GLIPR1: variants seen among roughly 807,000 people sequenced by gnomAD.
GLIPR1 encodes GLI pathogenesis related 1.
GLIPR1 carries 38 observed loss-of-function variants against 30.3 expected under a neutral mutation model. The observed-to-expected ratio is 1.26, with a 90% CI of 0.97 to 1.65. The LOEUF (loss-of-function observed/expected upper bound fraction) is 1.65. Among genes scored for constraint, GLIPR1 ranks in the 40% most tolerant of loss-of-function variants. The pLI is 0.00. For synonymous variants in GLIPR1, 122 were observed against 110.6 expected, an observed-to-expected ratio of 1.10 and a Z score of -0.65; for missense variants, 285 against 326.5, an observed-to-expected ratio of 0.87 and a Z score of 0.98.
chr12:75,499,803 G>C lies in GLIPR1; in HGVS notation c.*825G>C, dbSNP rs752227906. Reference sequence around the variant, plus strand: ...AGATAGTTCTAGTCAAGGAGTTTTGGGTATGTTACTTTTTTTTCTTCTTTT... The same window carrying C: ...AGATAGTTCTAGTCAAGGAGTTTTGCGTATGTTACTTTTTTTTCTTCTTTT... On this transcript the variant is annotated 3_prime_UTR_variant, in exon 6 of 6. Transcript: ENST00000266659. The C allele has an allele frequency of 5.7e-6, 9 of 1,592,490 alleles. No individual in the cohort carries two copies. The Admixed American group carries it at 1.4e-4, about 25-fold the overall frequency.
Position 75,489,160 on chromosome 12 carries a change from A to G in GLIPR1, c.421-1246A>G, listed in dbSNP as rs143651958. On this transcript the variant is annotated intron_variant, in intron 2 of 5. Transcript: ENST00000266659. ...GGAGCCCATTGCAAAATGATGTGGA[A>G]TCTTTTGTTCAGAAAGCAAAAGAAA... is the stretch of plus-strand genomic sequence containing the variant. Among the ~76,000 whole-genome samples the G allele has an allele frequency of 1.9e-3, 283 of 152,274 alleles. 4 individuals carry two copies. The highest frequency in any genetic ancestry group is 0.016 in the South Asian group (75 of 4,820).
At chr12:75,486,684 A>G (rs1473748755) in intron 2 of GLIPR1, among the ~76,000 whole-genome samples, 1 of 152,234 alleles carries the variant, frequency 6.6e-6, no homozygotes, top group Non-Finnish European at 1.5e-5. Flanking sequence ...ACAAATGAAT[A>G]CAACAAATGC....
chr12:75,501,554 C>A lies in GLIPR1; in HGVS notation c.*2576C>A. On this transcript the variant is annotated 3_prime_UTR_variant, in exon 6 of 6. Coordinates refer to ENST00000266659, the MANE Select transcript of GLIPR1 (RefSeq NM_006851.3). The stretch of plus-strand genomic sequence containing the variant: ...GCACTGAAATAGGCATTAGCTGCCT[C>A]TAAATTATAAATTATCTCAGCCATC... 1 of 583,384 alleles carries A rather than the reference C, an allele frequency of 1.7e-6. No homozygotes were observed. The allele number at this position is 583,384 out of a possible 1,614,324, so 36.1% of individuals were successfully genotyped here. A position where few individuals can be genotyped will look rare whatever the true frequency, so the allele number is the denominator to read the frequency against.
At chr12:75,490,226 CA>C (rs1198964127) in intron 2 of GLIPR1, among the ~76,000 whole-genome samples, 179 bp from the exon 3 acceptor site, 31 of 150,216 alleles carry the variant, frequency 2.1e-4, no homozygotes, top group Non-Finnish European at 4.5e-4. Flanking sequence ...CACACACACA[CA>C]CACACACCCC....
intron 2 of GLIPR1, among the ~76,000 whole-genome samples, chr12:75,487,496 G>A (rs2046298954): frequency 1.3e-5 from 2 of 152,332 alleles, no homozygotes; most frequent in South Asian, 4.1e-4. Flanking sequence ...CCCCGCAGGG[G>A]GTTCCTGGGG....
At position 75,499,901 on chromosome 12, in the gene GLIPR1, T is replaced by G; in HGVS notation, c.*923T>G. ...GCTCCCAGTTTCTTATTCTTTGCTT[T>G]CTTAACCTTTTCCTTGATGCTGGCC... is the stretch of plus-strand genomic sequence containing the variant. On this transcript the variant is annotated 3_prime_UTR_variant, in exon 6 of 6. Coordinates refer to ENST00000266659, the MANE Select transcript of GLIPR1 (RefSeq NM_006851.3). 6.2e-7 allele frequency: 1 copy of G among 1,610,164 alleles called. No homozygotes were observed. The highest frequency in any genetic ancestry group is 8.5e-7 in the Non-Finnish European group (1 of 1,178,346).
At chr12:75,481,678 GC>G (rs2046271553) in intron 1 of GLIPR1, among the ~76,000 whole-genome samples, 155 bp from the exon 2 acceptor site, 1 of 152,104 alleles carries the variant, frequency 6.6e-6, no homozygotes, top group South Asian at 2.1e-4. Flanking sequence ...TTTCCTACCA[GC>G]CCTACTCAGT....
At position 75,480,870 on chromosome 12, in the gene GLIPR1, C is replaced by A. The variant is rs2046266490; in HGVS notation, c.-11C>A. On this transcript the variant is annotated 5_prime_UTR_variant, in exon 1 of 6. Coordinates refer to ENST00000266659, the MANE Select transcript of GLIPR1 (RefSeq NM_006851.3). Reference sequence around the variant, plus strand: ...GACTGCAGCCTCCCAAGGCTCCATGCCAGACAAAGCATGCGTGTCACACTT... The same window carrying A: ...GACTGCAGCCTCCCAAGGCTCCATGACAGACAAAGCATGCGTGTCACACTT... 6.2e-7 allele frequency: 1 copy of A among 1,601,720 alleles called. No homozygotes were observed. The highest frequency in any genetic ancestry group is 8.5e-7 in the Non-Finnish European group (1 of 1,171,780).
intron 2 of GLIPR1, among the ~76,000 whole-genome samples, chr12:75,482,513 T>C (rs1429869605): frequency 2.0e-5 from 3 of 152,236 alleles, no homozygotes; most frequent in East Asian, 3.9e-4. Context: ...CAACCTCTCA[T>C]TCTCTCAAAC....
chr12:75,487,664 A>G (rs1324164297), intron 2 of GLIPR1: 9 of 429,746 alleles, frequency 2.1e-5, no homozygotes, highest in African/African-American at 1.8e-4. Context: ...CACTTCTACC[A>G]CACCTTTAAA....
rs1271567872 is a variant in GLIPR1, at chr12:75,502,769, A to G, written c.*3791A>G. 3 of 152,168 alleles carry G rather than the reference A, an allele frequency of 2.0e-5. No homozygotes were observed. Among genetic ancestry groups the G allele is most frequent in the East Asian group, 3.9e-4 (2 of 5,186 alleles). The allele number at this position is 152,168 out of a possible 1,614,324, so 9.4% of individuals were successfully genotyped here. A position where few individuals can be genotyped will look rare whatever the true frequency, so the allele number is the denominator to read the frequency against. ...GAGACATCACTGTTTCAAGAAGCTT[A>G]CACAGCTACAGAAGAAAGATAAGTC... On this transcript the variant is annotated 3_prime_UTR_variant, in exon 6 of 6. Coordinates refer to ENST00000266659, the MANE Select transcript of GLIPR1 (RefSeq NM_006851.3).
At position 75,490,564 on chromosome 12, in the gene GLIPR1, CCGCA is replaced by C. The variant is rs370305048; in HGVS notation, c.533+47_533+50del. 5.7e-4 allele frequency: 111 copies of C among 194,126 alleles called. 18 individuals are homozygous for C. The African/African-American group carries it at 0.01, about 18-fold the overall frequency. The allele number at this position is 194,126 out of a possible 1,614,324, so 12.0% of individuals were successfully genotyped here. On this transcript the variant is annotated intron_variant, in intron 3 of 5. Transcript: ENST00000266659. ...GTTTATAGGAAACGCCCCCCCCCCC[CCGCA>C]AAAAAAAACAACAACAAAAAAAAAC...
chr12:75,482,588 G>A (rs527397049), intron 2 of GLIPR1, among the ~76,000 whole-genome samples: 2 of 152,158 alleles, frequency 1.3e-5, no homozygotes, highest in African/African-American at 4.8e-5. Context: ...CAAGGAGGGA[G>A]AAAAAGTCAG....
chr12:75,482,709 T>C (rs1034368007), intron 2 of GLIPR1, among the ~76,000 whole-genome samples: 3 of 144,520 alleles, frequency 2.1e-5, no homozygotes, highest in African/African-American at 7.8e-5. Flanking sequence ...GAGCCACCCA[T>C]TGAGTTTTTT....
rs1422185186 is a variant in GLIPR1, at chr12:75,501,106, ATAAG to A, written c.*2130_*2133del. On this transcript the variant is annotated 3_prime_UTR_variant, in exon 6 of 6. Transcript: ENST00000266659. ...TTTGGAGGGTTACTTTAGGAAGAGG[ATAAG>A]TGTTACCACAGGGGAAAAAAATGCA... is the stretch of plus-strand genomic sequence containing the variant. 6.6e-6 allele frequency: 1 copy of A among 152,240 alleles called. No individual in the cohort carries two copies. Among genetic ancestry groups the A allele is most frequent in the Non-Finnish European group, 1.5e-5 (1 of 68,100 alleles). The allele number at this position is 152,240 out of a possible 1,614,324, so 9.4% of individuals were successfully genotyped here. A position where few individuals can be genotyped will look rare whatever the true frequency, so the allele number is the denominator to read the frequency against.
intron 5 of GLIPR1, 30 bp from the exon 6 acceptor site, chr12:75,498,794 C>T (rs375418899): frequency 1.9e-6 from 3 of 1,611,018 alleles, no homozygotes; most frequent in Non-Finnish European, 2.5e-6. Flanking sequence ...GGAACAATGT[C>T]TAAGAGGATA....
chr12:75,481,952 A>C lies in GLIPR1; in HGVS notation c.293A>C (p.Glu98Ala). ...CACCCAAACTTCACTTCACTGGGAGAGAACATCTGGACTGGGTCTGTGCCC... is the reference window on the plus strand; with the variant it reads ...CACCCAAACTTCACTTCACTGGGAGCGAACATCTGGACTGGGTCTGTGCCC... ...KLHPNFTSLG[E>A]NIWTGSVPIF... The change falls in exon 2 of 6, where the codon GAG (glutamate) becomes GCG (alanine). Residue 98 changes from glutamate (E) to alanine (A), a missense_variant. Physicochemically the swap from Glu to Ala is moderately radical, Grantham distance 107 (BLOSUM62 -1). Transcript: ENST00000266659. 1 of 1,614,172 alleles carries C rather than the reference A, an allele frequency of 6.2e-7. No homozygotes were observed. The highest frequency in any genetic ancestry group is 1.6e-4 in the Middle Eastern group (1 of 6,062).
In GLIPR1 at chr12:75,501,843, A is replaced by T; in HGVS notation, c.*2865A>T. 1 of 1,563,010 alleles carries T rather than the reference A, an allele frequency of 6.4e-7. No homozygotes were observed. Among genetic ancestry groups the T allele is most frequent in the Non-Finnish European group, 8.8e-7 (1 of 1,142,688 alleles). ...TACATTAATAAATAAAAAATATATCAGTTAAATGTATTTATAGTTAAATAA... is the reference window on the plus strand; with the variant it reads ...TACATTAATAAATAAAAAATATATCTGTTAAATGTATTTATAGTTAAATAA... On this transcript the variant is annotated 3_prime_UTR_variant, in exon 6 of 6. Transcript: ENST00000266659.
rs767975748 is a variant in GLIPR1, at chr12:75,502,305, C to A, written c.*3327C>A. The A allele has an allele frequency of 4.2e-6, 1 of 239,496 alleles. No individual in the cohort carries two copies. The highest frequency in any genetic ancestry group is 5.2e-5 in the Admixed American group (1 of 19,276). The allele number at this position is 239,496 out of a possible 1,614,324, so 14.8% of individuals were successfully genotyped here. A position where few individuals can be genotyped will look rare whatever the true frequency, so the allele number is the denominator to read the frequency against. ...GAGTTTTGGGGAAAATTTGAAGAAG[C>A]TTCAATGGCAGACAAAGTAGGAGGG... On this transcript the variant is annotated 3_prime_UTR_variant, in exon 6 of 6. Transcript: ENST00000266659.
Sources: allele counts gnomAD v4.1 joint callset (sites outside exome capture counted in the v4.1 genomes callset), GRCh38; gene constraint gnomAD v4.1.1; transcripts MANE v1.5; gene names NCBI Gene and HGNC (gene_info 2026-07-23, HGNC 2026-07-21).